Variants in RTF2 observed in about 807,000 individuals in gnomAD.
The protein encoded by RTF2 is UPF0549 protein C20orf43.
RTF2 carries 18 observed loss-of-function variants against 38.0 expected under a neutral mutation model. The ratio of observed to expected loss-of-function variants is 0.47; its 90% CI spans 0.33 to 0.70. RTF2 has a LOEUF of 0.70. Among genes scored for constraint, RTF2 ranks in the 30% least tolerant of loss-of-function variants. The probability of loss-of-function intolerance (pLI) is 0.02; values close to 1 mark genes in which losing one functional copy is unlikely to be tolerated. For missense variants in RTF2, 311 were observed against 379.6 expected, an observed-to-expected ratio of 0.82 and a Z score of 1.50; for synonymous variants, 126 against 137.1, an observed-to-expected ratio of 0.92 and a Z score of 0.57.
At chr20:56,489,697 G>A (rs559691685) in intron 5 of RTF2, among the ~76,000 whole-genome samples, 50 of 152,300 alleles carry the variant, frequency 3.3e-4, no homozygotes, top group African/African-American at 1.1e-3. Context: ...CCCCCTTCAC[G>A]GTATGTGACT....
At chr20:56,498,009 T>G (rs1169100221) in intron 5 of RTF2, among the ~76,000 whole-genome samples, 2 of 152,226 alleles carry the variant, frequency 1.3e-5, no homozygotes, top group Non-Finnish European at 2.9e-5. Context: ...GTTTTAATTT[T>G]TACCTTTTAA....
intron 4 of RTF2, among the ~76,000 whole-genome samples, chr20:56,479,009 A>T (rs1982393935): frequency 6.6e-6 from 1 of 152,144 alleles, no homozygotes; most frequent in Non-Finnish European, 1.5e-5. Context: ...CTCTTCATCC[A>T]TTTGGGTTTT....
intron 5 of RTF2, among the ~76,000 whole-genome samples, chr20:56,489,342 G>A (rs1982969340): frequency 2.0e-5 from 3 of 152,026 alleles, no homozygotes; most frequent in South Asian, 2.1e-4. Flanking sequence ...GGGATTACAG[G>A]CATGAGCCAC....
chr20:56,473,306 C>T lies in RTF2; in HGVS notation c.75C>T (p.Asp25=). The part of the protein sequence containing the change: ...VKGPKKVEKV[D]KDAELVAQWN... ...AATTTTTTGTTTTTTATTAGGTCGACAAAGATGCTGAATTAGTGGCCCAAT... is the reference window on the plus strand; with the variant it reads ...AATTTTTTGTTTTTTATTAGGTCGATAAAGATGCTGAATTAGTGGCCCAAT... The change falls in exon 2 of 9, where the codon GAC becomes GAT. Residue 25 remains aspartate (D), a synonymous_variant. Coordinates refer to ENST00000357348, the MANE Select transcript of RTF2 (RefSeq NM_016407.5). 1 of 1,612,450 alleles carries T rather than the reference C, an allele frequency of 6.2e-7. No homozygotes were observed. Among genetic ancestry groups the T allele is most frequent in the Non-Finnish European group, 8.5e-7 (1 of 1,178,880 alleles).
At chr20:56,500,152 TC>T (rs1306293212) in intron 5 of RTF2, among the ~76,000 whole-genome samples, 1 of 152,020 alleles carries the variant, frequency 6.6e-6, no homozygotes, top group African/African-American at 2.4e-5. Flanking sequence ...CCTCCTGGGT[TC>T]GAGCGATTCT....
chr20:56,502,454 G>A (rs547190698), intron 5 of RTF2, among the ~76,000 whole-genome samples: 1 of 152,082 alleles, frequency 6.6e-6, no homozygotes, highest in Admixed American at 6.5e-5. Flanking sequence ...GTTTGATATC[G>A]CATTACCTCC....
chr20:56,482,226 C>T (rs1156842600), intron 4 of RTF2, among the ~76,000 whole-genome samples: 1 of 152,156 alleles, frequency 6.6e-6, no homozygotes, highest in Non-Finnish European at 1.5e-5. Flanking sequence ...CTGTGGATAC[C>T]AAAATCCATG....
At chr20:56,489,950 G>A (rs548460988) in intron 5 of RTF2, among the ~76,000 whole-genome samples, 11 of 152,314 alleles carry the variant, frequency 7.2e-5, no homozygotes, top group African/African-American at 2.6e-4. Flanking sequence ...GTGGGAAGGT[G>A]GTGGTGGGCT....
intron 5 of RTF2, among the ~76,000 whole-genome samples, chr20:56,508,422 G>T (rs6069767): frequency 0.43 from 65,880 of 152,054 alleles, 14,440 homozygotes; most frequent in African/African-American, 0.45. Context: ...TCCAGTTGTT[G>T]AAAGAATTTT....
At chr20:56,515,665 GACACAC>G (rs11474559) in intron 6 of RTF2, 43 of 145,780 alleles carry the variant, frequency 2.9e-4, no homozygotes, top group South Asian at 6.6e-4. Context: ...CTCAGACAGA[GACACAC>G]ACACACACAC....
At chr20:56,493,037 G>A (rs1199926917) in intron 5 of RTF2, among the ~76,000 whole-genome samples, 3 of 152,020 alleles carry the variant, frequency 2.0e-5, no homozygotes, top group Non-Finnish European at 2.9e-5. Flanking sequence ...TTAGCTGGGT[G>A]TGGTGGTGCG....
intron 6 of RTF2, chr20:56,515,599 G>GAGAC (rs1984989311): frequency 4.1e-5 from 2 of 49,004 alleles, no homozygotes; most frequent in African/African-American, 1.5e-4. Flanking sequence ...GAGAGAGAGA[G>GAGAC]ACACACACAC....
At chr20:56,502,861 C>T (rs60654041) in intron 5 of RTF2, among the ~76,000 whole-genome samples, 55,395 of 151,990 alleles carry the variant, frequency 0.36, 10,889 homozygotes, top group Non-Finnish European at 0.45. Flanking sequence ...ATCAGGGCCC[C>T]AGTGTTAGGC....
chr20:56,496,736 G>A, intron 5 of RTF2: 1 of 1,552,142 alleles, frequency 6.4e-7, no homozygotes, highest in Non-Finnish European at 8.7e-7. Flanking sequence ...CAGTCAGTAT[G>A]AACTCTACAA....
At chr20:56,497,282 G>T (rs1391232354) in intron 5 of RTF2, 1 of 1,551,330 alleles carries the variant, frequency 6.4e-7, no homozygotes, top group South Asian at 1.2e-5. Context: ...ATGCCAAAGA[G>T]AAATCGCCCT....
intron 5 of RTF2, among the ~76,000 whole-genome samples, chr20:56,496,208 A>G (rs1983515801): frequency 6.6e-6 from 1 of 152,206 alleles, no homozygotes; most frequent in Non-Finnish European, 1.5e-5. Flanking sequence ...GAACATTTAC[A>G]AGGCCAAAGA....
intron 4 of RTF2, among the ~76,000 whole-genome samples, chr20:56,478,005 C>T (rs1568692897): frequency 6.6e-6 from 1 of 152,134 alleles, no homozygotes; most frequent in Admixed American, 6.5e-5. Context: ...AAAATACGGA[C>T]GGTTGAATGG....
At chr20:56,509,587 T>C (rs1312116399) in intron 5 of RTF2, among the ~76,000 whole-genome samples, 1 of 132,402 alleles carries the variant, frequency 7.6e-6, no homozygotes, top group African/African-American at 2.9e-5. Context: ...GACTGCAGCC[T>C]GGCGACAAAG....
chr20:56,499,913 TTTA>T (rs1983818815), intron 5 of RTF2, among the ~76,000 whole-genome samples: 1 of 151,812 alleles, frequency 6.6e-6, no homozygotes, highest in Admixed American at 6.6e-5. Context: ...TTTCTGTATT[TTTA>T]GTAGAGATGG....
Sources: gnomAD v4.1 joint callset for allele counts (sites outside exome capture counted in the v4.1 genomes callset) on GRCh38, gnomAD v4.1.1 for gene constraint, MANE v1.5 for transcripts, NCBI Gene and HGNC (gene_info 2026-07-23, HGNC 2026-07-21) for gene names.